Variants in CDC40 observed in about 807,000 individuals in gnomAD.
The protein encoded by CDC40 is cell division cycle 40, also known as pre-mRNA-processing factor 17.
In CDC40, 27 loss-of-function variants were observed where a neutral mutation model predicts 80.6. That is an observed-to-expected ratio of 0.33 (90% CI 0.25 to 0.46). The LOEUF (loss-of-function observed/expected upper bound fraction) is 0.46, where lower values mean the gene tolerates loss of function less well. Ranked by LOEUF, CDC40 falls within the 20% of genes least tolerant of loss-of-function variation. The probability of loss-of-function intolerance (pLI) is 1.00; values close to 1 mark genes in which losing one functional copy is unlikely to be tolerated. For missense variants in CDC40, 486 were observed against 694.1 expected, an observed-to-expected ratio of 0.70 and a Z score of 3.37; for synonymous variants, 221 against 232.6, an observed-to-expected ratio of 0.95 and a Z score of 0.45.
In CDC40 at chr6:110,231,175, T is replaced by TG. The variant is rs1162212801; in HGVS notation, c.*1045dup. 1.3e-5 allele frequency: 2 copies of TG among 152,078 alleles called. No individual in the cohort carries two copies. Among genetic ancestry groups the TG allele is most frequent in the East Asian group, 3.8e-4 (2 of 5,198 alleles). 9.4% of individuals were successfully genotyped at this position (152,078 alleles called of 1,614,324 possible). On this transcript the variant is annotated 3_prime_UTR_variant, in exon 15 of 15. Coordinates refer to ENST00000307731, the MANE Select transcript of CDC40 (RefSeq NM_015891.3). The stretch of plus-strand genomic sequence containing the variant: ...CCAGTTTGAGAAGCAGTGGCCATGG[T>TG]GAAAAATAGTTTTTGAAAACATCAG...
chr6:110,193,562 G>A (rs1387649429), intron 2 of CDC40, among the ~76,000 whole-genome samples: 2 of 150,288 alleles, frequency 1.3e-5, no homozygotes, highest in Non-Finnish European at 2.9e-5. Context: ...CCACCACCAC[G>A]CCTGGCTAAT....
intron 13 of CDC40, among the ~76,000 whole-genome samples, chr6:110,227,104 T>C (rs1777874051): frequency 6.6e-6 from 1 of 152,210 alleles, no homozygotes; most frequent in Non-Finnish European, 1.5e-5. Flanking sequence ...ACTTTAGCAA[T>C]TCACTATAAA....
chr6:110,187,480 CT>C (rs1777289799), intron 1 of CDC40, among the ~76,000 whole-genome samples: 1 of 152,100 alleles, frequency 6.6e-6, no homozygotes, highest in Non-Finnish European at 1.5e-5. Flanking sequence ...AATGGACGAC[CT>C]TTTCCCTCTG....
At chr6:110,217,878 G>A in intron 10 of CDC40, 75 bp downstream of exon 10, 1 of 731,016 alleles carries the variant, frequency 1.4e-6, no homozygotes, top group Non-Finnish European at 2.4e-6. Flanking sequence ...GTAGTCTTTT[G>A]TGGCAAAATG....
intron 6 of CDC40, chr6:110,211,516 A>G (rs1777636282): frequency 6.6e-6 from 1 of 152,184 alleles, no homozygotes; most frequent in Non-Finnish European, 1.5e-5. Flanking sequence ...GTACTATGGT[A>G]CTTAAAACTA....
chr6:110,188,458 T>C (rs189185040), intron 1 of CDC40, among the ~76,000 whole-genome samples: 2 of 152,352 alleles, frequency 1.3e-5, no homozygotes, highest in Non-Finnish European at 2.9e-5. Flanking sequence ...ATTCTAGTGT[T>C]CATTCTAGGG....
chr6:110,180,729 T>C (rs947786878), intron 1 of CDC40, 96 bp downstream of exon 1: 1 of 823,934 alleles, frequency 1.2e-6, no homozygotes, highest in African/African-American at 1.7e-5. Context: ...TCTTTCTCAG[T>C]GCTCAGAGAT....
At chr6:110,197,615 C>T (rs977601002) in intron 2 of CDC40, among the ~76,000 whole-genome samples, 2 of 148,190 alleles carry the variant, frequency 1.3e-5, no homozygotes, top group Admixed American at 6.8e-5. Flanking sequence ...CCACCCAGCT[C>T]CTGCTAACCA....
chr6:110,187,925 C>T (rs542424793), intron 1 of CDC40, among the ~76,000 whole-genome samples: 1 of 152,036 alleles, frequency 6.6e-6, no homozygotes, highest in African/African-American at 2.4e-5. Context: ...TATTGAATGC[C>T]TCATGGGTAT....
At chr6:110,184,381 G>A (rs1395483923) in intron 1 of CDC40, among the ~76,000 whole-genome samples, 1 of 144,278 alleles carries the variant, frequency 6.9e-6, no homozygotes, top group Non-Finnish European at 1.5e-5. Context: ...CCTTTTTTTA[G>A]TTTTGTTTTT....
intron 8 of CDC40, among the ~76,000 whole-genome samples, chr6:110,214,167 A>G (rs1777671885): frequency 6.6e-6 from 1 of 152,216 alleles, no homozygotes; most frequent in Non-Finnish European, 1.5e-5. Flanking sequence ...ATTTTGGAGT[A>G]AAAACCCCCA....
chr6:110,225,046 G>A (rs1450781189), intron 12 of CDC40, among the ~76,000 whole-genome samples: 4 of 152,174 alleles, frequency 2.6e-5, no homozygotes, highest in African/African-American at 4.8e-5. Context: ...TTGGAGATCT[G>A]ACAAATGATG....
intron 10 of CDC40, among the ~76,000 whole-genome samples, chr6:110,218,576 C>T (rs1777728723): frequency 1.3e-5 from 2 of 152,090 alleles, no homozygotes; most frequent in Admixed American, 6.6e-5. Flanking sequence ...ATGCCAAAGC[C>T]CATATTCTTC....
intron 1 of CDC40, 40 bp downstream of exon 1, chr6:110,180,673 G>T (rs187790671): frequency 1.3e-6 from 2 of 1,483,146 alleles, no homozygotes; most frequent in East Asian, 2.3e-5. Flanking sequence ...GGAATTGTTG[G>T]CTTCAGCTCC....
chr6:110,210,552 GAAAAAAAAAAA>G (rs57785109), intron 5 of CDC40, among the ~76,000 whole-genome samples, 144 bp from the exon 6 acceptor site: 2 of 64,468 alleles, frequency 3.1e-5, no homozygotes, highest in Non-Finnish European at 6.9e-5. Context: ...ACTCATCTCA[GAAAAAAAAAAA>G]AAAAAAAAAA....
chr6:110,203,238 C>A (rs1295756939), intron 3 of CDC40, among the ~76,000 whole-genome samples: 1 of 152,030 alleles, frequency 6.6e-6, no homozygotes, highest in Non-Finnish European at 1.5e-5. Flanking sequence ...TTTTTCTTTG[C>A]CCCCAGGTAC....
intron 9 of CDC40, among the ~76,000 whole-genome samples, chr6:110,215,701 A>T (rs1777690956): frequency 6.6e-6 from 1 of 152,220 alleles, no homozygotes; most frequent in Admixed American, 6.5e-5. Flanking sequence ...GCATTGGGGA[A>T]CCATTAAAGA....
chr6:110,218,552 C>T (rs1441958340), intron 10 of CDC40, among the ~76,000 whole-genome samples: 2 of 152,132 alleles, frequency 1.3e-5, no homozygotes, highest in Non-Finnish European at 2.9e-5. Flanking sequence ...TGGGTTCAAA[C>T]GAAGCTCTCT....
chr6:110,209,853 G>A (rs1777611572), intron 5 of CDC40, among the ~76,000 whole-genome samples: 1 of 152,092 alleles, frequency 6.6e-6, no homozygotes, highest in South Asian at 2.1e-4. Context: ...ATAAACAGGT[G>A]ATATCTAAGA....
Sources: gnomAD v4.1 joint callset for allele counts (sites outside exome capture counted in the v4.1 genomes callset) on GRCh38, gnomAD v4.1.1 for gene constraint, MANE v1.5 for transcripts, NCBI Gene and HGNC (gene_info 2026-07-23, HGNC 2026-07-21) for gene names.